The following CAPN12 variants were observed in gnomAD, a reference collection of about 807,000 sequenced individuals.
The protein encoded by CAPN12 is calpain 12.
A neutral mutation model predicts 95.0 loss-of-function variants in CAPN12; 107 were observed. That is an observed-to-expected ratio of 1.13 (90% CI 0.96 to 1.32). The LOEUF (loss-of-function observed/expected upper bound fraction) is 1.32, where lower values mean the gene tolerates loss of function less well. Among genes scored for constraint, CAPN12 ranks in the 40% most tolerant of loss-of-function variants. The pLI is 0.00. For synonymous variants in CAPN12, 505 were observed against 415.5 expected, an observed-to-expected ratio of 1.22 and a Z score of -2.62; for missense variants, 1,136 against 997.8, an observed-to-expected ratio of 1.14 and a Z score of -1.87.
Position 38,742,850 on chromosome 19 carries a change from C to CAAAAAAAA in CAPN12, c.307+175_307+182dup, listed in dbSNP as rs11406594. 3.0e-4 allele frequency among the ~76,000 whole-genome samples: 16 copies of CAAAAAAAA among 53,292 alleles called. 2 individuals carry two copies. The highest frequency in any genetic ancestry group is 5.5e-4 in the African/African-American group (6 of 10,874). 35.0% of individuals were successfully genotyped at this position (53,292 alleles called of 152,430 possible). On this transcript the variant is annotated intron_variant, in intron 2 of 20. Transcript: ENST00000328867. ...TGGGTGACAGAGTGAGACCCCATCT[C>CAAAAAAAA]AAAAAAAAAAAAAAAAAAAAAAGGA...
upstream of CAPN12, chr19:38,744,616 C>T (rs1278084916): frequency 1.3e-5 from 3 of 225,174 alleles, no homozygotes. Flanking sequence ...TCTTCTCCAT[C>T]AGTTTCTGGA....
intron 5 of CAPN12, 95 bp downstream of exon 5, chr19:38,739,956 G>T: frequency 1.6e-6 from 2 of 1,274,558 alleles, no homozygotes; most frequent in Non-Finnish European, 2.1e-6. Context: ...AGTAACGGAA[G>T]CAGAGAACAG....
rs1345334781 is a variant in CAPN12 at position 38,743,489 on chromosome 19, TCCCTCA to T, written c.238-393_238-388del. On this transcript the variant is annotated intron_variant, in intron 1 of 20. Coordinates refer to ENST00000328867, the MANE Select transcript of CAPN12 (RefSeq NM_144691.4). The stretch of plus-strand genomic sequence containing the variant: ...AGGAGTCCAGGTCCCGAGCCCCTCC[TCCCTCA>T]GACCCAAGAATCCAGGTCCCCAGCC... Among the ~76,000 whole-genome samples, 25 of 87,168 alleles carry T rather than the reference TCCCTCA, an allele frequency of 2.9e-4. 1 individual carries two copies. The highest frequency in any genetic ancestry group is 8.3e-4 in the South Asian group (2 of 2,414). The allele number at this position is 87,168 out of a possible 152,430, so 57.2% of individuals were successfully genotyped here.
At position 38,730,814 on chromosome 19, in the gene CAPN12, A is replaced by C. The variant is rs1285148059; in HGVS notation, c.*38T>G. 11 of 1,549,960 alleles carry C rather than the reference A, an allele frequency of 7.1e-6. No homozygotes were observed. The highest frequency in any genetic ancestry group is 9.6e-6 in the Non-Finnish European group (11 of 1,146,868). ...CCTAGGGAGGTGGTCTTGCTCAGCA[A>C]CCCTGCCCTGAGCAGCAGGTGCGCC... is the stretch of plus-strand genomic sequence containing the variant. On this transcript the variant is annotated 3_prime_UTR_variant, in exon 21 of 21. Transcript: ENST00000328867.
intron 12 of CAPN12, 59 bp downstream of exon 12, chr19:38,736,041 CGGGGGTCTCG>C: frequency 1.1e-6 from 1 of 950,092 alleles, no homozygotes; most frequent in Non-Finnish European, 1.3e-6. Flanking sequence ...TCGGGGGTCT[CGGGGGTCTCG>C]GGGGTCTCGG....
At chr19:38,737,679 G>C in intron 8 of CAPN12, 41 bp from the exon 9 acceptor site, 1 of 1,496,340 alleles carries the variant, frequency 6.7e-7, no homozygotes, top group Non-Finnish European at 8.9e-7. Context: ...GCCCCACCTC[G>C]AGGGGGTCCC....
intron 1 of CAPN12, among the ~76,000 whole-genome samples, chr19:38,743,328 AT>A (rs1423888696): frequency 3.8e-4 from 51 of 135,292 alleles, no homozygotes; most frequent in African/African-American, 9.3e-4. Flanking sequence ...CCAGGAGTCC[AT>A]GTCCCGAGCC....
Position 38,736,327 on chromosome 19 carries a change from G to T in CAPN12, c.1375-9C>A. On this transcript the variant is annotated splice_polypyrimidine_tract_variant and intron_variant, in intron 11 of 20. Coordinates refer to ENST00000328867, the MANE Select transcript of CAPN12 (RefSeq NM_144691.4). ...TCCCAGAGGCCCAGCAGCTGGGGACGGGGCGGCATGACCACGGACCAGGCT... is the reference window on the plus strand; with the variant it reads ...TCCCAGAGGCCCAGCAGCTGGGGACTGGGCGGCATGACCACGGACCAGGCT... The T allele has an allele frequency of 6.9e-7, 1 of 1,447,352 alleles. No individual in the cohort carries two copies. The highest frequency in any genetic ancestry group is 9.1e-7 in the Non-Finnish European group (1 of 1,101,544). The allele number at this position is 1,447,352 out of a possible 1,614,324, so 89.7% of individuals were successfully genotyped here. A position where few individuals can be genotyped will look rare whatever the true frequency, so the allele number is the denominator to read the frequency against.
At chr19:38,742,249 T>G (rs1480112625) in intron 3 of CAPN12, 161 bp downstream of exon 3, 4 of 650,516 alleles carry the variant, frequency 6.1e-6, no homozygotes, top group African/African-American at 1.9e-5. Context: ...TGCTTGAACC[T>G]GGGGGCGGGG....
In CAPN12 at chr19:38,742,390, G is replaced by T; in HGVS notation, c.426+20C>A. The T allele has an allele frequency of 1.3e-6, 2 of 1,544,028 alleles. No individual in the cohort carries two copies. The highest frequency in any genetic ancestry group is 1.8e-6 in the Non-Finnish European group (2 of 1,116,176). On this transcript the variant is annotated intron_variant, in intron 3 of 20. Coordinates refer to ENST00000328867, the MANE Select transcript of CAPN12 (RefSeq NM_144691.4). ...CACCATGGGGGAAACGGAGGCATGG[G>T]CAGAGGAACTGAGCTGTACCTGGAA...
chr19:38,737,090 C>A, intron 10 of CAPN12, 66 bp downstream of exon 10: 1 of 1,308,994 alleles, frequency 7.6e-7, no homozygotes, highest in Non-Finnish European at 1.1e-6. Flanking sequence ...TCCCCCGCTC[C>A]TTGGCCCGGC....
At chr19:38,735,315 G>A (rs988183416) in intron 14 of CAPN12, 55 bp downstream of exon 14, 5 of 1,495,614 alleles carry the variant, frequency 3.3e-6, no homozygotes, top group Admixed American at 4.4e-5. Context: ...GGGAAGGGGG[G>A]TCCCCAAGGG....
rs1326019567 is a variant in CAPN12 at position 38,738,624 on chromosome 19, C to T, written c.754G>A (p.Glu252Lys). The change falls in exon 6 of 21, where the codon GAA becomes AAA. Residue 252 changes from glutamate to lysine, a missense_variant. By Grantham distance (56) the Glu-to-Lys change is moderately conservative. Coordinates refer to ENST00000328867, the MANE Select transcript of CAPN12 (RefSeq NM_144691.4). ...ALSDRGEYRT[E>K]EGLVKGHAYS... is the part of the protein sequence containing the mutation. ...GCGTGTCCCTTTACCAGGCCCTCTT[C>T]TGTGCGGTACTCACCCCGATCACTC... is the stretch of plus-strand genomic sequence containing the variant. 1 of 1,614,038 alleles carries T rather than the reference C, an allele frequency of 6.2e-7. No homozygotes were observed. Among genetic ancestry groups the T allele is most frequent in the South Asian group, 1.1e-5 (1 of 91,084 alleles).
intron 18 of CAPN12, 32 bp downstream of exon 18, chr19:38,733,670 GT>G: frequency 6.3e-7 from 1 of 1,589,690 alleles, no homozygotes; most frequent in Non-Finnish European, 8.6e-7. Flanking sequence ...AACAGGTCCT[GT>G]CCCCACGACC....
intron 4 of CAPN12, 59 bp from the exon 5 acceptor site, chr19:38,740,278 G>A: frequency 6.8e-7 from 1 of 1,475,230 alleles, no homozygotes; most frequent in Non-Finnish European, 9.1e-7. Flanking sequence ...AGGCACCCCT[G>A]CCCTGGGATC....
chr19:38,735,531 C>T lies in CAPN12; in HGVS notation c.1597G>A (p.Val533Met), dbSNP rs150213565. ...AGAGACTGCAGGTCTGCGCTGATCA[C>T]GTCGTCGATCTCCCTGCAAATTACA... ...RRHTAVEIDD[V>M]ISADLQSLQG... Residue 533 changes from valine to methionine, a missense_variant, in exon 13 of 21, where the codon GTG (valine) becomes ATG (methionine). Val to Met is a conservative substitution (Grantham distance 21). Transcript: ENST00000328867. The T allele has an allele frequency of 1.7e-5, 28 of 1,610,322 alleles. No individual in the cohort carries two copies. The highest frequency in any genetic ancestry group is 4.0e-5 in the African/African-American group (3 of 74,228).
chr19:38,737,556 C>T lies in CAPN12; in HGVS notation c.1048G>A (p.Glu350Lys). ...LSPEVLGPSP[E>K]GGGWHVHTFQ... is the part of the protein sequence containing the mutation. ...GTGTGGACGTGCCAGCCGCCCCCCT[C>T]CGGGCTGGGGCCCAGCACCTCCGGG... The change falls in exon 9 of 21, where the codon GAG becomes AAG. Residue 350 changes from glutamate (E) to lysine (K), a missense_variant. Coordinates refer to ENST00000328867, the MANE Select transcript of CAPN12 (RefSeq NM_144691.4). The T allele has an allele frequency of 6.2e-7, 1 of 1,612,504 alleles. No individual in the cohort carries two copies. The highest frequency in any genetic ancestry group is 8.5e-7 in the Non-Finnish European group (1 of 1,179,848).
Position 38,738,522 on chromosome 19 carries a change from T to TG in CAPN12, c.805-20dup, listed in dbSNP as rs766922029. 7.4e-6 allele frequency: 12 copies of TG among 1,613,476 alleles called. No individual in the cohort carries two copies. Among genetic ancestry groups the TG allele is most frequent in the East Asian group, 2.2e-5 (1 of 44,876 alleles). ...GGAACACCTGGGGCAGCATCGTCAG[T>TG]GGGGGTGATGCCTGGACATGGCCTG... On this transcript the variant is annotated intron_variant, in intron 6 of 20. Transcript: ENST00000328867.
At chr19:38,732,340 T>C (rs1969685227) in intron 18 of CAPN12, among the ~76,000 whole-genome samples, 1 of 151,156 alleles carries the variant, frequency 6.6e-6, no homozygotes, top group African/African-American at 2.5e-5. Flanking sequence ...CTTTTTCTTT[T>C]TTCTTTTTTG....
Sources: gnomAD v4.1 joint callset for allele counts (sites outside exome capture counted in the v4.1 genomes callset) on GRCh38, gnomAD v4.1.1 for gene constraint, MANE v1.5 for transcripts, NCBI Gene and HGNC (gene_info 2026-07-23, HGNC 2026-07-21) for gene names.